Variants in SH3GL3 observed in about 807,000 individuals in gnomAD.
The protein encoded by SH3GL3 is SH3 domain containing GRB2 like 3, endophilin A3.
Under a neutral mutation model 47.7 loss-of-function variants are expected in SH3GL3, and 33 were observed. That is an observed-to-expected ratio of 0.69 (90% confidence interval 0.52 to 0.92). SH3GL3 has a LOEUF of 0.92. Among genes scored for constraint, SH3GL3 ranks in the 40% least tolerant of loss-of-function variants. SH3GL3 has a pLI of 0.00. For missense variants in SH3GL3, 363 were observed against 417.8 expected (o/e 0.87, Z 1.14); for synonymous variants, 155 against 148.8 (o/e 1.04, Z -0.30).
At chr15:83,617,224 G>C (rs1468705135) in intron 8 of SH3GL3, among the ~76,000 whole-genome samples, 1 of 152,088 alleles carries the variant, frequency 6.6e-6, no homozygotes, top group Non-Finnish European at 1.5e-5. Context: ...GTAAATTCTG[G>C]TCTGTAAATA....
At chr15:83,516,412 G>A (rs954152345) in intron 1 of SH3GL3, among the ~76,000 whole-genome samples, 3 of 152,136 alleles carry the variant, frequency 2.0e-5, no homozygotes, top group Non-Finnish European at 4.4e-5. Flanking sequence ...CTAAGTAGGT[G>A]TATTAGGCCA....
intron 8 of SH3GL3, among the ~76,000 whole-genome samples, chr15:83,598,853 T>C (rs2060304185): frequency 6.6e-6 from 1 of 152,222 alleles, no homozygotes; most frequent in Admixed American, 6.5e-5. Flanking sequence ...TTGTCTATTT[T>C]CCATTGTAAT....
At chr15:83,614,342 G>A (rs778992266) in intron 8 of SH3GL3, among the ~76,000 whole-genome samples, 26 of 152,170 alleles carry the variant, frequency 1.7e-4, no homozygotes, top group African/African-American at 5.6e-4. Flanking sequence ...GGTCTGTCAC[G>A]GAAGGAGCTG....
chr15:83,510,836 G>GACTGCTT (rs1316181767), intron 1 of SH3GL3, among the ~76,000 whole-genome samples: 1 of 151,840 alleles, frequency 6.6e-6, no homozygotes, highest in Non-Finnish European at 1.5e-5. Flanking sequence ...GTTTGCAAAG[G>GACTGCTT]ACTGCTTAGA....
intron 1 of SH3GL3, among the ~76,000 whole-genome samples, chr15:83,501,405 T>TA (rs1007141841): frequency 2.6e-5 from 4 of 152,084 alleles, no homozygotes; most frequent in East Asian, 1.9e-4. Context: ...CTTATATATT[T>TA]AAAAAAAATT....
chr15:83,584,977 G>A (rs2059920768), intron 6 of SH3GL3, among the ~76,000 whole-genome samples: 1 of 152,152 alleles, frequency 6.6e-6, no homozygotes, highest in African/African-American at 2.4e-5. Flanking sequence ...TTCTAATCGT[G>A]GTTCAGGAAG....
chr15:83,610,055 C>T (rs776989408), intron 8 of SH3GL3, among the ~76,000 whole-genome samples: 12 of 152,190 alleles, frequency 7.9e-5, no homozygotes, highest in Middle Eastern at 3.2e-3. Context: ...CCCTCAAGTG[C>T]GACAGGCAAG....
intron 1 of SH3GL3, among the ~76,000 whole-genome samples, chr15:83,542,104 C>G (rs904044338): frequency 6.6e-6 from 1 of 152,144 alleles, no homozygotes; most frequent in African/African-American, 2.4e-5. Context: ...GGTTTGAGGT[C>G]TTAGATTTAA....
intron 1 of SH3GL3, among the ~76,000 whole-genome samples, chr15:83,501,567 C>T (rs2042295235): frequency 6.6e-6 from 1 of 152,180 alleles, no homozygotes; most frequent in African/African-American, 2.4e-5. Flanking sequence ...ACTCGTCCTA[C>T]ACATGAGAAA....
At chr15:83,462,056 T>A (rs1199009485) in intron 1 of SH3GL3, among the ~76,000 whole-genome samples, 1 of 152,228 alleles carries the variant, frequency 6.6e-6, no homozygotes, top group African/African-American at 2.4e-5. Flanking sequence ...ATGGAATTTT[T>A]AAATAGAATT....
chr15:83,492,978 A>T (rs2041937541), intron 1 of SH3GL3, among the ~76,000 whole-genome samples: 1 of 152,252 alleles, frequency 6.6e-6, no homozygotes, highest in African/African-American at 2.4e-5. Context: ...TCCATGGAAC[A>T]AGTGAACCTT....
chr15:83,547,484 T>A (rs1459698303), intron 1 of SH3GL3, among the ~76,000 whole-genome samples: 1 of 152,206 alleles, frequency 6.6e-6, no homozygotes, highest in Non-Finnish European at 1.5e-5. Flanking sequence ...AAACTATCAT[T>A]CCTATCCTCT....
downstream of SH3GL3, among the ~76,000 whole-genome samples, chr15:83,622,934 A>C (rs75203081): frequency 5.5e-3 from 843 of 152,330 alleles, 7 homozygotes; most frequent in African/African-American, 0.019. Context: ...GAGGCAATGG[A>C]GACTTTGACC....
intron 1 of SH3GL3, among the ~76,000 whole-genome samples, chr15:83,501,753 G>A (rs1431028440): frequency 6.6e-6 from 1 of 152,104 alleles, no homozygotes; most frequent in African/African-American, 2.4e-5. Context: ...TTAGCCAGGT[G>A]TAGAGGCCCA....
At chr15:83,566,369 T>TAA (rs2151756930) in intron 3 of SH3GL3, among the ~76,000 whole-genome samples, 1 of 83,916 alleles carries the variant, frequency 1.2e-5, no homozygotes, top group African/African-American at 4.0e-5. Context: ...AGAGAGAGTG[T>TAA]GTGTGTGTGT....
At chr15:83,560,299 C>T (rs1464293997) in intron 2 of SH3GL3, among the ~76,000 whole-genome samples, 1 of 152,168 alleles carries the variant, frequency 6.6e-6, no homozygotes, top group Non-Finnish European at 1.5e-5. Flanking sequence ...CTGGCCAGCT[C>T]ATCTTCCAGG....
rs1310422283 is a variant in SH3GL3, at chr15:83,526,798, T to C, written c.46-32455T>C. Among the ~76,000 whole-genome samples the C allele has an allele frequency of 2.0e-5, 3 of 152,300 alleles. No homozygotes were observed. The East Asian group carries it at 5.8e-4, about 29-fold the overall frequency. ...TTGTCATATAACAAACCTGCACATGTACCCCTGAACTTAAAAAAAACCAAA... is the reference window on the plus strand; with the variant it reads ...TTGTCATATAACAAACCTGCACATGCACCCCTGAACTTAAAAAAAACCAAA... On this transcript the variant is annotated intron_variant, in intron 1 of 8. Transcript: ENST00000427482.
chr15:83,618,310 A>T lies in SH3GL3; in HGVS notation c.*23A>T, dbSNP rs758545027. Reference sequence around the variant, plus strand: ...TAAATGTGTAACACAAACTCTGGACATACTTTCGTAACTGAAATGAATTCA... The same window carrying T: ...TAAATGTGTAACACAAACTCTGGACTTACTTTCGTAACTGAAATGAATTCA... On this transcript the variant is annotated 3_prime_UTR_variant, in exon 9 of 9. Transcript: ENST00000427482. The T allele has an allele frequency of 1.4e-6, 2 of 1,447,548 alleles. No homozygotes were observed. The highest frequency in any genetic ancestry group is 1.9e-6 in the Non-Finnish European group (2 of 1,028,098). The allele number at this position is 1,447,548 out of a possible 1,614,324, so 89.7% of individuals were successfully genotyped here. A position where few individuals can be genotyped will look rare whatever the true frequency, so the allele number is the denominator to read the frequency against.
chr15:83,564,701 G>A (rs1395164549), intron 2 of SH3GL3, among the ~76,000 whole-genome samples: 1 of 152,078 alleles, frequency 6.6e-6, no homozygotes, highest in Admixed American at 6.5e-5. Context: ...TTTTAGTGTT[G>A]ATTACTGAGG....
Sources: gnomAD v4.1 joint callset for allele counts (sites outside exome capture counted in the v4.1 genomes callset) on GRCh38, gnomAD v4.1.1 for gene constraint, MANE v1.5 for transcripts, NCBI Gene and HGNC (gene_info 2026-07-23, HGNC 2026-07-21) for gene names.